Variants in SNRPC observed in about 807,000 individuals in gnomAD.
SNRPC encodes small nuclear ribonucleoprotein polypeptide C.
In SNRPC, 5 loss-of-function variants were observed where a neutral mutation model predicts 20.0. That is an observed-to-expected ratio of 0.25 (90% CI 0.13 to 0.53). The LOEUF (loss-of-function observed/expected upper bound fraction) is 0.53. Among genes scored for constraint, SNRPC ranks in the 20% least tolerant of loss-of-function variants. The pLI is 0.96. For missense variants in SNRPC, 112 were observed against 224.1 expected (o/e 0.50, Z 3.19); for synonymous variants, 61 against 58.7 (o/e 1.04, Z -0.18).
chr6:34,758,966 G>A (rs994229010), intron 2 of SNRPC, among the ~76,000 whole-genome samples: 2 of 141,112 alleles, frequency 1.4e-5, no homozygotes, highest in Non-Finnish European at 3.0e-5. Context: ...CTTGCAGTGA[G>A]CCGAGATCCC....
intron 5 of SNRPC, among the ~76,000 whole-genome samples, chr6:34,771,532 G>C (rs1409076365): frequency 6.6e-6 from 1 of 152,038 alleles, no homozygotes; most frequent in Non-Finnish European, 1.5e-5. Flanking sequence ...TTTGGTGATA[G>C]TTTATCTGAG....
chr6:34,764,985 C>T (rs1764595537), intron 3 of SNRPC, among the ~76,000 whole-genome samples: 1 of 152,100 alleles, frequency 6.6e-6, no homozygotes, highest in South Asian at 2.1e-4. Flanking sequence ...CTCGCCACTG[C>T]ATTCCAGCCT....
chr6:34,767,952 G>A lies in SNRPC; in HGVS notation c.205G>A (p.Ala69Thr), dbSNP rs1333942094. Residue 69 changes from alanine (A) to threonine (T), a missense_variant, in exon 4 of 6, where the codon GCT becomes ACT. Ala to Thr is a moderately conservative substitution (Grantham distance 58). Around this residue, in one of 3 missense-constraint regions of SNRPC, gnomAD observed 45 missense variants for 48.6 expected, o/e 0.93. Transcript: ENST00000244520. ...QGKIPPTPFS[A>T]PPPAGAMIPP... Reference sequence around the variant, plus strand: ...AAAGATACCTCCTACTCCATTCTCTGCTCCTCCTCCTGCAGGGGCGATGAT... The same window carrying A: ...AAAGATACCTCCTACTCCATTCTCTACTCCTCCTCCTGCAGGGGCGATGAT... 6.2e-7 allele frequency: 1 copy of A among 1,600,380 alleles called. No homozygotes were observed.
intron 1 of SNRPC, 64 bp downstream of exon 1, chr6:34,757,615 G>T: frequency 6.4e-7 from 1 of 1,555,858 alleles, no homozygotes; most frequent in Non-Finnish European, 8.9e-7. Context: ...ATGCAGGAGC[G>T]GAGAGCGGGT....
intron 5 of SNRPC, among the ~76,000 whole-genome samples, chr6:34,772,510 A>G (rs991800830): frequency 6.6e-6 from 1 of 152,170 alleles, no homozygotes; most frequent in Non-Finnish European, 1.5e-5. Flanking sequence ...GTGTCTTTGC[A>G]TATTCTTGTG....
At chr6:34,761,260 C>T (rs147438477) in intron 2 of SNRPC, among the ~76,000 whole-genome samples, 10,000 of 149,764 alleles carry the variant, frequency 0.067, 537 homozygotes, top group East Asian at 0.33. Flanking sequence ...CTGCCTCAGC[C>T]TCCCGAGTAG....
intron 4 of SNRPC, among the ~76,000 whole-genome samples, chr6:34,769,435 T>C (rs1764658746): frequency 6.6e-6 from 1 of 151,966 alleles, no homozygotes; most frequent in Non-Finnish European, 1.5e-5. Context: ...TCCTGTGATC[T>C]GCCCGCCTCG....
chr6:34,764,708 G>A (rs1055429528), intron 3 of SNRPC, among the ~76,000 whole-genome samples: 1 of 151,612 alleles, frequency 6.6e-6, no homozygotes, highest in African/African-American at 2.4e-5. Context: ...CAAAACTATT[G>A]TGGAAATTTT....
chr6:34,759,099 G>C (rs1764499741), intron 2 of SNRPC, among the ~76,000 whole-genome samples: 1 of 150,924 alleles, frequency 6.6e-6, no homozygotes, highest in East Asian at 1.9e-4. Flanking sequence ...CCACCTTTAA[G>C]TATTGGGAAG....
chr6:34,768,964 G>C (rs1365329171), intron 4 of SNRPC, among the ~76,000 whole-genome samples: 2 of 152,000 alleles, frequency 1.3e-5, no homozygotes, highest in African/African-American at 4.8e-5. Context: ...ACTCAATCTT[G>C]CACACAATCA....
chr6:34,765,108 TC>T (rs1399030008), intron 3 of SNRPC, among the ~76,000 whole-genome samples: 4 of 152,218 alleles, frequency 2.6e-5, no homozygotes, highest in African/African-American at 9.6e-5. Context: ...GCACTCTTGT[TC>T]CATTTATTCT....
chr6:34,766,493 T>TGTATA (rs1416378232), intron 3 of SNRPC, among the ~76,000 whole-genome samples: 1 of 152,192 alleles, frequency 6.6e-6, no homozygotes, highest in Non-Finnish European at 1.5e-5. Context: ...GCCACTGCAC[T>TGTATA]CGGCTTGAAT....
At chr6:34,771,083 C>T (rs550567404) in intron 5 of SNRPC, among the ~76,000 whole-genome samples, 2 of 152,264 alleles carry the variant, frequency 1.3e-5, no homozygotes, top group Admixed American at 6.5e-5. Context: ...AATCCCAGCA[C>T]TTTGGGAGGC....
At chr6:34,758,471 A>C (rs1449225280) in intron 2 of SNRPC, among the ~76,000 whole-genome samples, 1 of 151,996 alleles carries the variant, frequency 6.6e-6, no homozygotes, top group African/African-American at 2.4e-5. Context: ...ATGGGCCACC[A>C]CGCCCGGCTA....
chr6:34,772,063 T>C (rs1429587008), intron 5 of SNRPC, among the ~76,000 whole-genome samples: 1 of 152,176 alleles, frequency 6.6e-6, no homozygotes, highest in Non-Finnish European at 1.5e-5. Context: ...GATAAAATGA[T>C]AAGATTGTGG....
At chr6:34,760,483 C>T (rs1764521991) in intron 2 of SNRPC, among the ~76,000 whole-genome samples, 1 of 151,992 alleles carries the variant, frequency 6.6e-6, no homozygotes, top group Non-Finnish European at 1.5e-5. Flanking sequence ...TTTTTTACCC[C>T]TCTCTAGGTA....
At chr6:34,771,739 G>C (rs1764694597) in intron 5 of SNRPC, among the ~76,000 whole-genome samples, 1 of 152,124 alleles carries the variant, frequency 6.6e-6, no homozygotes, top group Admixed American at 6.6e-5. Flanking sequence ...AGCTTCCTAG[G>C]CAGAAGTATC....
intron 3 of SNRPC, 56 bp downstream of exon 3, chr6:34,762,759 C>A: frequency 1.1e-6 from 1 of 900,726 alleles, no homozygotes; most frequent in Non-Finnish European, 1.8e-6. Context: ...TTTCTTATCC[C>A]TGTCTCTGGT....
intron 2 of SNRPC, among the ~76,000 whole-genome samples, chr6:34,759,809 T>A (rs1424419851): frequency 6.6e-6 from 1 of 152,224 alleles, no homozygotes; most frequent in Non-Finnish European, 1.5e-5. Context: ...CCCTTAGATG[T>A]CTGTCTGTGA....
Sources: gnomAD v4.1 joint callset for allele counts (sites outside exome capture counted in the v4.1 genomes callset) on GRCh38, gnomAD v4.1.1 for gene constraint, gnomAD v4.1.1 regional missense constraint, MANE v1.5 for transcripts, NCBI Gene and HGNC (gene_info 2026-07-23, HGNC 2026-07-21) for gene names.